The following GTF2F2 variants were observed in gnomAD, a reference collection of about 807,000 sequenced individuals.
GTF2F2 encodes general transcription factor IIF subunit 2, also known as ATP-dependent helicase GTF2F2.
GTF2F2 carries 23 observed loss-of-function variants against 42.2 expected under a neutral mutation model. The observed-to-expected ratio is 0.55, with a 90% confidence interval of 0.39 to 0.77. The LOEUF is 0.77. GTF2F2 is among the 30% of genes least tolerant of loss of function. GTF2F2 has a pLI of 0.00. For missense variants in GTF2F2, 261 were observed against 287.2 expected (o/e 0.91, Z 0.66); for synonymous variants, 105 against 100.8 (o/e 1.04, Z -0.25).
At chr13:45,160,672 G>A (rs1870992654) in intron 4 of GTF2F2, among the ~76,000 whole-genome samples, 1 of 151,886 alleles carries the variant, frequency 6.6e-6, no homozygotes. Flanking sequence ...ATATAGGGGA[G>A]CTGTTAAGTT....
chr13:45,259,117 C>A (rs1415307846), intron 6 of GTF2F2, among the ~76,000 whole-genome samples: 2 of 152,070 alleles, frequency 1.3e-5, no homozygotes, highest in African/African-American at 4.8e-5. Flanking sequence ...ACTAGAATCA[C>A]CTGGGAAGCT....
intron 1 of GTF2F2, among the ~76,000 whole-genome samples, chr13:45,122,595 T>G (rs1012407046): frequency 6.6e-6 from 1 of 151,984 alleles, no homozygotes; most frequent in Non-Finnish European, 1.5e-5. Context: ...GATTGCTCCG[T>G]TGCACTCCAG....
At chr13:45,282,675 T>C (rs1425363324) in intron 7 of GTF2F2, among the ~76,000 whole-genome samples, 4 of 152,168 alleles carry the variant, frequency 2.6e-5, no homozygotes, top group Non-Finnish European at 5.9e-5. Flanking sequence ...TGGCTAATTT[T>C]TGTATTTTTA....
intron 5 of GTF2F2, among the ~76,000 whole-genome samples, chr13:45,245,954 AAAG>A (rs1875579450): frequency 6.7e-6 from 1 of 149,164 alleles, no homozygotes; most frequent in Non-Finnish European, 1.5e-5. Flanking sequence ...AAAAAAAAAA[AAAG>A]TATTCCCTTT....
intron 2 of GTF2F2, among the ~76,000 whole-genome samples, chr13:45,141,950 T>C (rs779532188): frequency 1.3e-5 from 2 of 152,164 alleles, no homozygotes; most frequent in Non-Finnish European, 2.9e-5. Flanking sequence ...AGAAGTCTGA[T>C]TTTGCTTTCC....
intron 1 of GTF2F2, among the ~76,000 whole-genome samples, chr13:45,122,118 C>T (rs1044641069): frequency 6.6e-6 from 1 of 152,006 alleles, no homozygotes; most frequent in Non-Finnish European, 1.5e-5. Context: ...ACAGAGAGAA[C>T]CTAGAGCAGA....
intron 1 of GTF2F2, among the ~76,000 whole-genome samples, chr13:45,132,245 T>C (rs1049870190): frequency 1.3e-5 from 2 of 152,196 alleles, no homozygotes; most frequent in Non-Finnish European, 1.5e-5. Flanking sequence ...CTTAGTTGGC[T>C]CCTTTGCTTC....
chr13:45,181,636 C>T (rs1464419780), intron 4 of GTF2F2, among the ~76,000 whole-genome samples: 1 of 152,002 alleles, frequency 6.6e-6, no homozygotes, highest in Non-Finnish European at 1.5e-5. Flanking sequence ...GTGGATGAGT[C>T]AGTATTGCTT....
At chr13:45,131,995 A>T (rs1408809563) in intron 1 of GTF2F2, among the ~76,000 whole-genome samples, 1 of 151,900 alleles carries the variant, frequency 6.6e-6, no homozygotes, top group Non-Finnish European at 1.5e-5. Context: ...TCCAAGGTGC[A>T]TGCTCTTGAG....
Position 45,161,857 on chromosome 13 carries a change from G to T in GTF2F2, c.304+10026G>T, listed in dbSNP as rs188224112. Among the ~76,000 whole-genome samples the T allele has an allele frequency of 7.2e-4, 110 of 152,156 alleles. 1 individual carries two copies. Among genetic ancestry groups the T allele is most frequent in the Non-Finnish European group, 5.3e-4 (36 of 67,978 alleles). Reference sequence around the variant, plus strand: ...AAACTCTGTCTCAAAAAGAAAAAATGAATACAGTACATATTTTTTTAACCA... The same window carrying T: ...AAACTCTGTCTCAAAAAGAAAAAATTAATACAGTACATATTTTTTTAACCA... On this transcript the variant is annotated intron_variant, in intron 4 of 7. Transcript: ENST00000340473.
Position 45,120,707 on chromosome 13 carries a change from G to C in GTF2F2, c.52G>C (p.Val18Leu), listed in dbSNP as rs1290851151. Residue 18 changes from valine (V) to leucine (L), a missense_variant, in exon 1 of 8, where the codon GTG becomes CTG. Physicochemically the swap from Val to Leu is conservative, Grantham distance 32 (BLOSUM62 1). Transcript: ENST00000340473. Reference protein sequence around the residue: ...DLTGAKQNTGVWLVKVPKYLS... With the variant: ...DLTGAKQNTGLWLVKVPKYLS... Reference sequence around the variant, plus strand: ...GACCGGCGCCAAACAGAACACAGGAGTGTGGCTAGTCAAGGTAATGTTCGC... The same window carrying C: ...GACCGGCGCCAAACAGAACACAGGACTGTGGCTAGTCAAGGTAATGTTCGC... 6.4e-7 allele frequency: 1 copy of C among 1,558,120 alleles called. No individual in the cohort carries two copies. Among genetic ancestry groups the C allele is most frequent in the Non-Finnish European group, 8.7e-7 (1 of 1,149,976 alleles).
chr13:45,265,695 A>G (rs763523565), intron 6 of GTF2F2, among the ~76,000 whole-genome samples: 1 of 152,250 alleles, frequency 6.6e-6, no homozygotes, highest in Non-Finnish European at 1.5e-5. Context: ...TTTAGTTTTA[A>G]TATCAATAAA....
At chr13:45,202,773 TG>T in intron 4 of GTF2F2, among the ~76,000 whole-genome samples, 1 of 152,166 alleles carries the variant, frequency 6.6e-6, no homozygotes, top group East Asian at 1.9e-4. Context: ...GTTACCATGG[TG>T]AAACCCTGGC....
At chr13:45,270,410 A>G (rs1204526998) in intron 7 of GTF2F2, among the ~76,000 whole-genome samples, 5 of 152,202 alleles carry the variant, frequency 3.3e-5, no homozygotes, top group African/African-American at 9.7e-5. Flanking sequence ...TTGGAGGCTG[A>G]GAAGTCCAGG....
At chr13:45,270,668 A>G (rs905120263) in intron 7 of GTF2F2, among the ~76,000 whole-genome samples, 2 of 152,202 alleles carry the variant, frequency 1.3e-5, no homozygotes, top group Admixed American at 6.5e-5. Flanking sequence ...TATACAAACC[A>G]CAGCAGGTAT....
At chr13:45,264,139 T>C (rs1007365868) in intron 6 of GTF2F2, among the ~76,000 whole-genome samples, 4 of 152,178 alleles carry the variant, frequency 2.6e-5, no homozygotes, top group African/African-American at 9.7e-5. Flanking sequence ...ACCAGTGATA[T>C]ACATGTTAAC....
chr13:45,202,668 G>A (rs1205889750), intron 4 of GTF2F2, among the ~76,000 whole-genome samples: 1 of 151,814 alleles, frequency 6.6e-6, no homozygotes, highest in African/African-American at 2.4e-5. Context: ...TGTACGTTTA[G>A]TTGGCTGGGC....
chr13:45,253,096 C>G lies in GTF2F2; in HGVS notation c.486+126C>G, dbSNP rs1297395717. ...GCCATCAGGTGCTTGAATTACAGTA[C>G]CTGATCTGGACTTAGTAAGGAATAT... On this transcript the variant is annotated intron_variant, in intron 6 of 7. Coordinates refer to ENST00000340473, the MANE Select transcript of GTF2F2 (RefSeq NM_004128.3). The G allele has an allele frequency of 6.0e-6, 3 of 499,268 alleles. No individual in the cohort carries two copies. In the East Asian group the frequency reaches 1.1e-4, roughly 18 times the overall value. 30.9% of individuals were successfully genotyped at this position (499,268 alleles called of 1,614,324 possible). A position where few individuals can be genotyped will look rare whatever the true frequency, so the allele number is the denominator to read the frequency against.
intron 6 of GTF2F2, among the ~76,000 whole-genome samples, chr13:45,255,303 G>A (rs1490130548): frequency 6.6e-6 from 1 of 152,058 alleles, no homozygotes; most frequent in Admixed American, 6.5e-5. Flanking sequence ...TGCCACTAGG[G>A]CTAAGTAGAT....
Sources: allele counts gnomAD v4.1 joint callset (sites outside exome capture counted in the v4.1 genomes callset), GRCh38; gene constraint gnomAD v4.1.1; transcripts MANE v1.5; gene names NCBI Gene and HGNC (gene_info 2026-07-23, HGNC 2026-07-21).